Variants in RBL1 observed in about 807,000 individuals in gnomAD.
The protein encoded by RBL1 is RB transcriptional corepressor like 1, also known as retinoblastoma-like protein 1.
A neutral mutation model predicts 123.0 loss-of-function variants in RBL1; 82 were observed. The observed-to-expected ratio is 0.67, with a 90% confidence interval of 0.56 to 0.80. RBL1 has a LOEUF of 0.80. Among genes scored for constraint, RBL1 ranks in the 30% least tolerant of loss-of-function variants. The probability of loss-of-function intolerance (pLI) is 0.00; values close to 1 mark genes in which losing one functional copy is unlikely to be tolerated. For synonymous variants in RBL1, 405 were observed against 441.3 expected (o/e 0.92, Z 1.03); for missense variants, 1,171 against 1,299.6 (o/e 0.90, Z 1.52).
Position 37,008,705 on chromosome 20 carries a change from A to G in RBL1, c.2723-1146T>C, listed in dbSNP as rs183481374. On this transcript the variant is annotated intron_variant, in intron 19 of 21. Coordinates refer to ENST00000373664, the MANE Select transcript of RBL1 (RefSeq NM_002895.5). ...GCCTACAAACATTGAGAACATGGGTAGAAGCAATGCCTTCACCTTAGGAAA... is the reference window on the plus strand; with the variant it reads ...GCCTACAAACATTGAGAACATGGGTGGAAGCAATGCCTTCACCTTAGGAAA... Among the ~76,000 whole-genome samples, 49 of 152,328 alleles carry G rather than the reference A, an allele frequency of 3.2e-4. No individual in the cohort carries two copies. The East Asian group carries it at 6.2e-3, about 19-fold the overall frequency.
chr20:37,078,668 GAACA>G (rs2065401343), intron 2 of RBL1, among the ~76,000 whole-genome samples: 3 of 152,128 alleles, frequency 2.0e-5, no homozygotes, highest in African/African-American at 7.2e-5. Flanking sequence ...TGTCACAAAA[GAACA>G]AATATTGTAG....
chr20:37,082,379 T>G (rs1051592502), intron 2 of RBL1, among the ~76,000 whole-genome samples: 2 of 152,172 alleles, frequency 1.3e-5, no homozygotes. Flanking sequence ...TGGTGTTGGT[T>G]GAACAATGTG....
chr20:37,066,751 T>C lies in RBL1; in HGVS notation c.819A>G (p.Pro273=), dbSNP rs142112861. ...AKGIKEHYFK[P]YISKLFDRKI... is the part of the protein sequence containing the mutation. ...TCCTGTCAAAGAGTTTTGAAATATA[T>C]GGCTTAAAGTAGTGCTCCTTTATTC... Residue 273 remains proline, a synonymous_variant, in exon 6 of 22, where the codon CCA becomes CCG. Coordinates refer to ENST00000373664, the MANE Select transcript of RBL1 (RefSeq NM_002895.5). The C allele has an allele frequency of 1.2e-6, 2 of 1,613,344 alleles. No individual in the cohort carries two copies. The highest frequency in any genetic ancestry group is 1.7e-6 in the Non-Finnish European group (2 of 1,179,434).
chr20:37,035,791 TAGAA>T (rs2064601720), intron 14 of RBL1, among the ~76,000 whole-genome samples: 1 of 152,142 alleles, frequency 6.6e-6, no homozygotes, highest in South Asian at 2.1e-4. Flanking sequence ...GGTTGAGAGG[TAGAA>T]TGAAGTGAGC....
chr20:37,095,901 C>A lies in RBL1; in HGVS notation c.28G>T (p.Gly10Trp), dbSNP rs779023874. Residue 10 changes from glycine (G) to tryptophan (W), a missense_variant, in exon 1 of 22, where the codon GGG (glycine) becomes TGG (tryptophan). Gly to Trp is a radical substitution (Grantham distance 184). Transcript: ENST00000373664. MFEDKPHAE[G>W]AAVVAAAGEA... ...CCGGCTGCGGCGACCACCGCCGCCC[C>A]CTCAGCGTGGGGCTTGTCCTCGAAC... 3 of 1,602,112 alleles carry A rather than the reference C, an allele frequency of 1.9e-6. No individual in the cohort carries two copies. The highest frequency in any genetic ancestry group is 1.7e-5 in the Admixed American group (1 of 59,370).
At chr20:37,083,296 T>C (rs2065482237) in intron 2 of RBL1, among the ~76,000 whole-genome samples, 1 of 150,858 alleles carries the variant, frequency 6.6e-6, no homozygotes, top group Non-Finnish European at 1.5e-5. Flanking sequence ...GGTGAAATCC[T>C]GTCTCAACTA....
At position 37,062,171 on chromosome 20, in the gene RBL1, T is replaced by G. The variant is rs1342809635; in HGVS notation, c.996A>C (p.Thr332=). Residue 332 remains threonine (T), a synonymous_variant, in exon 8 of 22, where the codon ACA becomes ACC. Coordinates refer to ENST00000373664, the MANE Select transcript of RBL1 (RefSeq NM_002895.5). The part of the protein sequence containing the change: ...LGADAEEEIG[T]PRKFTRDTPL... ...GGGTGTCACGAGTGAACTTTCGAGG[T>G]GTTCCAATTTCCTCTTCTGCGTCTG... 4 of 1,614,054 alleles carry G rather than the reference T, an allele frequency of 2.5e-6. No individual in the cohort carries two copies. In the Admixed American group the frequency reaches 5.0e-5, roughly 20 times the overall value.
intron 19 of RBL1, among the ~76,000 whole-genome samples, chr20:37,017,005 G>A (rs1049095505): frequency 7.9e-5 from 12 of 151,540 alleles, no homozygotes; most frequent in African/African-American, 1.5e-4. Context: ...GAGAGAAGAC[G>A]AGACGAGACG....
intron 2 of RBL1, among the ~76,000 whole-genome samples, chr20:37,088,366 C>G (rs953704356): frequency 6.6e-6 from 1 of 151,724 alleles, no homozygotes; most frequent in African/African-American, 2.4e-5. Flanking sequence ...ACAGGTGACT[C>G]TGAGTCAAGG....
chr20:37,065,658 T>C, intron 6 of RBL1, among the ~76,000 whole-genome samples, 185 bp from the exon 7 acceptor site: 1 of 152,238 alleles, frequency 6.6e-6, no homozygotes, highest in South Asian at 2.1e-4. Context: ...ACTTTTTTTT[T>C]TTTTTGAGAC....
chr20:37,077,226 C>T (rs2065378944), intron 2 of RBL1, among the ~76,000 whole-genome samples: 1 of 152,154 alleles, frequency 6.6e-6, no homozygotes, highest in East Asian at 1.9e-4. Context: ...TGTGGGCCAC[C>T]TTGCCCAGCC....
chr20:37,053,125 A>G lies in RBL1; in HGVS notation c.1467+2428T>C, dbSNP rs552171416. 2.0e-5 allele frequency among the ~76,000 whole-genome samples: 3 copies of G among 152,372 alleles called. No homozygotes were observed. The South Asian group carries it at 6.2e-4, about 32-fold the overall frequency. Reference sequence around the variant, plus strand: ...TCAACATCCTCTGTCAACAACTGATATAACAACTAGACTGGAAATCAGCAA... The same window carrying G: ...TCAACATCCTCTGTCAACAACTGATGTAACAACTAGACTGGAAATCAGCAA... On this transcript the variant is annotated intron_variant, in intron 11 of 21. Transcript: ENST00000373664.
intron 19 of RBL1, among the ~76,000 whole-genome samples, chr20:37,012,649 G>A (rs1444512635): frequency 6.8e-6 from 1 of 146,612 alleles, no homozygotes; most frequent in Non-Finnish European, 1.5e-5. Flanking sequence ...TCTGGGAAGT[G>A]AGGAGCGTCT....
chr20:36,999,124 G>T (rs774685557), intron 21 of RBL1, among the ~76,000 whole-genome samples, 195 bp from the exon 22 acceptor site: 4 of 152,146 alleles, frequency 2.6e-5, no homozygotes, highest in Non-Finnish European at 5.9e-5. Context: ...TTAAAAATTA[G>T]ATTTAAGGCC....
At chr20:37,033,016 T>TTA in intron 15 of RBL1, 140 bp from the exon 16 acceptor site, 66 of 1,218,964 alleles carry the variant, frequency 5.4e-5, no homozygotes, top group Non-Finnish European at 6.2e-5. Context: ...TATGACTGAA[T>TTA]TCTTTTTTTT....
At chr20:37,077,418 T>C (rs1473002015) in intron 2 of RBL1, among the ~76,000 whole-genome samples, 1 of 152,176 alleles carries the variant, frequency 6.6e-6, no homozygotes, top group East Asian at 1.9e-4. Context: ...AGATTACTCT[T>C]CATAATGTAG....
At chr20:37,011,766 ATGTT>A (rs1214754067) in intron 19 of RBL1, among the ~76,000 whole-genome samples, 1 of 152,140 alleles carries the variant, frequency 6.6e-6, no homozygotes, top group Non-Finnish European at 1.5e-5. Flanking sequence ...AAAATAATGA[ATGTT>A]TATTAAGTGT....
At chr20:37,039,117 A>G (rs530992045) in intron 14 of RBL1, among the ~76,000 whole-genome samples, 3 of 152,198 alleles carry the variant, frequency 2.0e-5, no homozygotes, top group African/African-American at 7.2e-5. Context: ...AGATACACAC[A>G]TCAGCTCGCT....
chr20:37,065,649 C>CTT (rs11475348), intron 6 of RBL1, among the ~76,000 whole-genome samples, 176 bp from the exon 7 acceptor site: 1 of 144,246 alleles, frequency 6.9e-6, no homozygotes, highest in African/African-American at 2.5e-5. Context: ...TTTTTTTTAA[C>CTT]TTTTTTTTTT....
Sources: allele counts gnomAD v4.1 joint callset (sites outside exome capture counted in the v4.1 genomes callset), GRCh38; gene constraint gnomAD v4.1.1; transcripts MANE v1.5; gene names NCBI Gene and HGNC (gene_info 2026-07-23, HGNC 2026-07-21).